TNFRSF8: variants seen among roughly 807,000 people sequenced by gnomAD.
The protein encoded by TNFRSF8 is tumor necrosis factor receptor superfamily member 8.
TNFRSF8 carries 26 observed loss-of-function variants against 70.8 expected under a neutral mutation model. The ratio of observed to expected loss-of-function variants is 0.37; its 90% CI spans 0.27 to 0.51. TNFRSF8 has a LOEUF of 0.51. Among genes scored for constraint, TNFRSF8 ranks in the 20% least tolerant of loss-of-function variants. The pLI is 0.94. For synonymous variants in TNFRSF8, 356 were observed against 339.2 expected, an observed-to-expected ratio of 1.05 and a Z score of -0.54; for missense variants, 720 against 807.9, an observed-to-expected ratio of 0.89 and a Z score of 1.32.
rs11569890 is a variant in TNFRSF8, at chr1:12,114,260, G to A, written c.794-1317G>A. On this transcript the variant is annotated intron_variant, in intron 7 of 14. Coordinates refer to ENST00000263932, the MANE Select transcript of TNFRSF8 (RefSeq NM_001243.5). ...TTATCTATCTCAGAGAACCATGTGA[G>A]AATTGAATACATGATTGTAGGTTAA... Among the ~76,000 whole-genome samples, 79 of 152,288 alleles carry A rather than the reference G, an allele frequency of 5.2e-4. 1 individual carries two copies. The highest frequency in any genetic ancestry group is 1.9e-3 in the African/African-American group (77 of 41,546).
intron 2 of TNFRSF8, among the ~76,000 whole-genome samples, chr1:12,085,757 T>C (rs1311420391): frequency 6.6e-6 from 1 of 152,216 alleles, no homozygotes; most frequent in African/African-American, 2.4e-5. Flanking sequence ...ATTTTGTAGA[T>C]GATGCTTAGG....
chr1:12,136,545 A>G (rs1642147671), intron 13 of TNFRSF8, among the ~76,000 whole-genome samples: 1 of 150,706 alleles, frequency 6.6e-6, no homozygotes, highest in Non-Finnish European at 1.5e-5. Flanking sequence ...GCTACTCAGG[A>G]GGCTGAGGCA....
intron 13 of TNFRSF8, among the ~76,000 whole-genome samples, chr1:12,136,628 T>C (rs1196714258): frequency 7.6e-6 from 1 of 131,536 alleles, no homozygotes; most frequent in African/African-American, 2.9e-5. Flanking sequence ...CCAGCCCGGG[T>C]AACAGAGTGA....
chr1:12,117,625 A>G (rs1557597242), intron 8 of TNFRSF8, among the ~76,000 whole-genome samples: 2 of 152,194 alleles, frequency 1.3e-5, no homozygotes, highest in Non-Finnish European at 2.9e-5. Context: ...TGTGAACAGG[A>G]CATACTAACA....
intron 2 of TNFRSF8, among the ~76,000 whole-genome samples, chr1:12,091,704 C>T (rs193099722): frequency 2.3e-4 from 35 of 152,334 alleles, no homozygotes; most frequent in Non-Finnish European, 4.3e-4. Context: ...GCTGGGGCTG[C>T]TGTAACAAAG....
chr1:12,143,902 A>G lies in TNFRSF8; in HGVS notation c.*1371A>G, dbSNP rs1241807708. 6.6e-6 allele frequency: 1 copy of G among 152,258 alleles called. No homozygotes were observed. The highest frequency in any genetic ancestry group is 1.5e-5 in the Non-Finnish European group (1 of 68,056). 9.4% of individuals were successfully genotyped at this position (152,258 alleles called of 1,614,324 possible). On this transcript the variant is annotated 3_prime_UTR_variant, in exon 15 of 15. Coordinates refer to ENST00000263932, the MANE Select transcript of TNFRSF8 (RefSeq NM_001243.5). This position sits in a 1 kb window ranked among gnomAD's most constrained non-coding sequence, Gnocchi z 4.1. ...GAAACCGCTCAGATGTTTTGGGGAA[A>G]GTTGGAGAAGCCGTGGCCTTGCGAG...
intron 6 of TNFRSF8, among the ~76,000 whole-genome samples, chr1:12,111,336 C>T (rs1043937422): frequency 1.1e-4 from 17 of 152,070 alleles, no homozygotes; most frequent in African/African-American, 4.1e-4. Context: ...CGCCTGCCAC[C>T]ACATTTGGCT....
At position 12,084,526 on chromosome 1, in the gene TNFRSF8, G is replaced by C. The variant is rs1436091705; in HGVS notation, c.126G>C (p.Arg42Ser). ...GCCACTACTATGACAAGGCTGTCAGGAGGTGCTGTTACCGCTGCCCCATGG... is the reference window on the plus strand; with the variant it reads ...GCCACTACTATGACAAGGCTGTCAGCAGGTGCTGTTACCGCTGCCCCATGG... Reference protein sequence around the residue: ...NPSHYYDKAVRRCCYRCPMGL... With the variant: ...NPSHYYDKAVSRCCYRCPMGL... The change falls in exon 2 of 15, where the codon AGG becomes AGC. Residue 42 changes from arginine (R) to serine (S), a missense_variant. By Grantham distance (110) the Arg-to-Ser change is moderately radical. Coordinates refer to ENST00000263932, the MANE Select transcript of TNFRSF8 (RefSeq NM_001243.5). 1 of 1,614,046 alleles carries C rather than the reference G, an allele frequency of 6.2e-7. No homozygotes were observed. The highest frequency in any genetic ancestry group is 8.5e-7 in the Non-Finnish European group (1 of 1,179,978).
Position 12,123,344 on chromosome 1 carries a change from A to G in TNFRSF8, c.1007A>G (p.Asn336Ser), listed in dbSNP as rs568743004. Residue 336 changes from asparagine to serine, a missense_variant, in exon 9 of 15, where the codon AAC (asparagine) becomes AGC (serine). Physicochemically the swap from Asn to Ser is conservative, Grantham distance 46 (BLOSUM62 1). Coordinates refer to ENST00000263932, the MANE Select transcript of TNFRSF8 (RefSeq NM_001243.5). The stretch of plus-strand genomic sequence containing the variant: ...CCCCTGGGGACCCAGCCGGACTGCA[A>G]CCCCACCCCAGAGAATGGCGAGGCG... ...APPLGTQPDC[N>S]PTPENGEAPA... 5.6e-6 allele frequency: 9 copies of G among 1,613,048 alleles called. No homozygotes were observed. Among genetic ancestry groups the G allele is most frequent in the African/African-American group, 2.7e-5 (2 of 74,952 alleles).
At chr1:12,064,502 G>A (rs1157372683) in intron 1 of TNFRSF8, among the ~76,000 whole-genome samples, 1 of 151,968 alleles carries the variant, frequency 6.6e-6, no homozygotes, top group Non-Finnish European at 1.5e-5. Context: ...GTAGGTGCGA[G>A]TGGATGCCTG....
rs1641609245 is a variant in TNFRSF8 at position 12,110,435 on chromosome 1, C to T, written c.676+231C>T. On this transcript the variant is annotated intron_variant, in intron 6 of 14. Transcript: ENST00000263932. The surrounding 1 kb of genome is among the most constrained non-coding windows in gnomAD (Gnocchi z 4.0). ...CAGAGGGCCTGCCTTGTGCCGGACA[C>T]CCGTGCCCCATCTCTCCCTCTATTT... Among the ~76,000 whole-genome samples the T allele has an allele frequency of 6.6e-6, 1 of 152,138 alleles. No homozygotes were observed. The highest frequency in any genetic ancestry group is 1.5e-5 in the Non-Finnish European group (1 of 68,024).
chr1:12,080,452 C>G, intron 1 of TNFRSF8: 1 of 525,872 alleles, frequency 1.9e-6, no homozygotes, highest in Non-Finnish European at 3.8e-6. Flanking sequence ...TGTCTTCTAT[C>G]TTCTTCATGG....
intron 1 of TNFRSF8, among the ~76,000 whole-genome samples, chr1:12,070,504 A>T (rs150738724): frequency 6.6e-6 from 1 of 152,084 alleles, no homozygotes; most frequent in Non-Finnish European, 1.5e-5. Context: ...CTGCCCGCCT[A>T]TGTAGAGACA....
At position 12,112,032 on chromosome 1, in the gene TNFRSF8, C is replaced by T. The variant is rs748715563; in HGVS notation, c.793+18C>T. The T allele has an allele frequency of 6.3e-7, 1 of 1,590,816 alleles. No individual in the cohort carries two copies. The highest frequency in any genetic ancestry group is 8.6e-7 in the Non-Finnish European group (1 of 1,160,246). ...TTCTCGAGGTAAGGGCCTCGTCCCT[C>T]CCCGGGCCTCAGTTTACCTCTCTGC... On this transcript the variant is annotated intron_variant, in intron 7 of 14. Coordinates refer to ENST00000263932, the MANE Select transcript of TNFRSF8 (RefSeq NM_001243.5). The surrounding 1 kb of genome is among the most constrained non-coding windows in gnomAD (Gnocchi z 5.3).
chr1:12,140,680 C>T (rs991694327), intron 14 of TNFRSF8, among the ~76,000 whole-genome samples: 2 of 152,186 alleles, frequency 1.3e-5, no homozygotes, highest in African/African-American at 2.4e-5. Flanking sequence ...AATTCCACCG[C>T]TTTGAATCCA....
chr1:12,135,756 G>A (rs1314738878), intron 13 of TNFRSF8, 143 bp downstream of exon 13: 4 of 1,188,090 alleles, frequency 3.4e-6, no homozygotes, highest in Non-Finnish European at 4.8e-6. Context: ...AGTGCCCAGG[G>A]TGCAGGCCCG....
At chr1:12,075,740 G>A (rs1201018795) in intron 1 of TNFRSF8, among the ~76,000 whole-genome samples, 2 of 152,202 alleles carry the variant, frequency 1.3e-5, no homozygotes, top group East Asian at 1.9e-4. Context: ...GAGCAGGAGC[G>A]TCACCATCTT....
rs2100973381 is a variant in TNFRSF8 at position 12,088,106 on chromosome 1, A to G, written c.151+3555A>G. Reference sequence around the variant, plus strand: ...TGTGGGCGGGTTGGTGGAGGAAGGAAGCTGAGGGACCTTTGAGATTGAAAA... The same window carrying G: ...TGTGGGCGGGTTGGTGGAGGAAGGAGGCTGAGGGACCTTTGAGATTGAAAA... On this transcript the variant is annotated intron_variant, in intron 2 of 14. Coordinates refer to ENST00000263932, the MANE Select transcript of TNFRSF8 (RefSeq NM_001243.5). This position sits in a 1 kb window ranked among gnomAD's most constrained non-coding sequence, Gnocchi z 4.0. Among the ~76,000 whole-genome samples, 1 of 152,214 alleles carries G rather than the reference A, an allele frequency of 6.6e-6. No individual in the cohort carries two copies. The highest frequency in any genetic ancestry group is 1.9e-4 in the East Asian group (1 of 5,174).
chr1:12,118,308 A>G (rs1431911587), intron 8 of TNFRSF8, among the ~76,000 whole-genome samples: 10 of 151,772 alleles, frequency 6.6e-5, no homozygotes, highest in Admixed American at 6.6e-4. Context: ...ACGGGGTTTC[A>G]CCACATTGGT....
Sources: allele counts gnomAD v4.1 joint callset (sites outside exome capture counted in the v4.1 genomes callset), GRCh38; gene constraint gnomAD v4.1.1; non-coding constraint Gnocchi (gnomAD v3.1); transcripts MANE v1.5; gene names NCBI Gene and HGNC (gene_info 2026-07-23, HGNC 2026-07-21).